Variants in LNPEP observed in about 807,000 individuals in gnomAD.
LNPEP encodes leucyl-cystinyl aminopeptidase.
Under a neutral mutation model 120.6 loss-of-function variants are expected in LNPEP, and 64 were observed. The observed-to-expected ratio is 0.53, with a 90% CI of 0.43 to 0.65. The LOEUF is 0.65. Ranked by LOEUF, LNPEP falls within the 30% of genes least tolerant of loss-of-function variation. The pLI is 0.00. For synonymous variants in LNPEP, 435 were observed against 425.4 expected (o/e 1.02, Z -0.28); for missense variants, 1,057 against 1,200.0 (o/e 0.88, Z 1.76).
In LNPEP at chr5:97,034,061, G is replaced by A. The variant is rs1476256527; in HGVS notation, c.*5528G>A. Reference sequence around the variant, plus strand: ...ACCCAGTCCATTGCTTGGACTTACGGGTACCTAATGAAACGTGGAGGTCCG... The same window carrying A: ...ACCCAGTCCATTGCTTGGACTTACGAGTACCTAATGAAACGTGGAGGTCCG... On this transcript the variant is annotated 3_prime_UTR_variant, in exon 18 of 18. Transcript: ENST00000231368. 2.0e-5 allele frequency: 3 copies of A among 151,924 alleles called. No individual in the cohort carries two copies. The highest frequency in any genetic ancestry group is 7.3e-5 in the African/African-American group (3 of 41,348). The allele number at this position is 151,924 out of a possible 1,614,324, so 9.4% of individuals were successfully genotyped here.
At chr5:96,992,281 G>A (rs967562972) in intron 4 of LNPEP, among the ~76,000 whole-genome samples, 20 of 152,014 alleles carry the variant, frequency 1.3e-4, no homozygotes, top group African/African-American at 4.6e-4. Flanking sequence ...TGTTCCCTTG[G>A]TTGGTTTTAG....
chr5:96,992,790 T>A (rs914780529), intron 4 of LNPEP, among the ~76,000 whole-genome samples: 1 of 52,542 alleles, frequency 1.9e-5, no homozygotes, highest in Non-Finnish European at 3.7e-5. Flanking sequence ...GGGGCGGGGG[T>A]GGGGCGGGGT....
chr5:96,988,798 G>A (rs1790305413), intron 4 of LNPEP, among the ~76,000 whole-genome samples: 1 of 151,656 alleles, frequency 6.6e-6, no homozygotes, highest in Admixed American at 6.6e-5. Flanking sequence ...TTAATTTTTT[G>A]TAGAGGCATC....
chr5:97,000,320 T>C (rs994818530), intron 8 of LNPEP, among the ~76,000 whole-genome samples: 19 of 152,090 alleles, frequency 1.2e-4, no homozygotes, highest in African/African-American at 4.3e-4. Flanking sequence ...AAATAACCAA[T>C]GTATAGTGCT....
chr5:96,947,366 G>A (rs987587458), intron 1 of LNPEP, among the ~76,000 whole-genome samples: 1 of 152,044 alleles, frequency 6.6e-6, no homozygotes, highest in African/African-American at 2.4e-5. Context: ...TTGAAAATTG[G>A]AGCTAAAATA....
At chr5:96,990,043 A>G (rs1260551879) in intron 4 of LNPEP, among the ~76,000 whole-genome samples, 1 of 151,818 alleles carries the variant, frequency 6.6e-6, no homozygotes. Context: ...TGATGTTTCT[A>G]TTGGGGTACC....
intron 1 of LNPEP, among the ~76,000 whole-genome samples, chr5:96,938,057 A>G (rs1033226016): frequency 2.6e-5 from 4 of 152,260 alleles, no homozygotes; most frequent in African/African-American, 9.6e-5. Flanking sequence ...CAATATCTAC[A>G]GTCAATAAGA....
At chr5:96,997,079 C>G (rs1790532408) in intron 7 of LNPEP, among the ~76,000 whole-genome samples, 3 of 151,942 alleles carry the variant, frequency 2.0e-5, no homozygotes, top group Non-Finnish European at 4.4e-5. Flanking sequence ...AGTGGTGTCA[C>G]TATGGTATTA....
intron 1 of LNPEP, among the ~76,000 whole-genome samples, chr5:96,973,793 C>G (rs1290904316): frequency 6.6e-6 from 1 of 152,128 alleles, no homozygotes; most frequent in Admixed American, 6.6e-5. Context: ...CAGCTTAAAG[C>G]TTTAATCCTT....
Position 97,036,139 on chromosome 5 carries a change from A to G in LNPEP, c.*7606A>G, listed in dbSNP as rs1235566123. On this transcript the variant is annotated 3_prime_UTR_variant, in exon 18 of 18. Transcript: ENST00000231368. ...ATAGAAGTCTATTATGATTCCATCA[A>G]TTGCATAGCTTGTGTACCTGGTAGA... 6.6e-6 allele frequency: 1 copy of G among 152,152 alleles called. No homozygotes were observed. The highest frequency in any genetic ancestry group is 1.5e-5 in the Non-Finnish European group (1 of 68,014). The allele number at this position is 152,152 out of a possible 1,614,324, so 9.4% of individuals were successfully genotyped here.
chr5:96,976,452 A>T (rs1789997924), intron 1 of LNPEP, among the ~76,000 whole-genome samples: 1 of 152,190 alleles, frequency 6.6e-6, no homozygotes, highest in African/African-American at 2.4e-5. Context: ...AGGAGATACC[A>T]AATTGTCAAA....
At chr5:97,021,337 G>A (rs1791188608) in intron 13 of LNPEP, among the ~76,000 whole-genome samples, 1 of 152,152 alleles carries the variant, frequency 6.6e-6, no homozygotes, top group Non-Finnish European at 1.5e-5. Context: ...TATGGGTGTT[G>A]TACTATCTTT....
At chr5:96,948,122 T>C (rs924524174) in intron 1 of LNPEP, among the ~76,000 whole-genome samples, 1 of 147,284 alleles carries the variant, frequency 6.8e-6, no homozygotes, top group South Asian at 2.1e-4. Context: ...AAATTTCTCT[T>C]TTTTTTTTTT....
chr5:97,015,160 T>C, intron 13 of LNPEP, 65 bp downstream of exon 13: 9 of 1,197,624 alleles, frequency 7.5e-6, no homozygotes, highest in Non-Finnish European at 9.0e-6. Context: ...TGGTTCCATT[T>C]TCAGCCAGTA....
chr5:96,943,075 G>A (rs1246339909), intron 1 of LNPEP: 3 of 299,552 alleles, frequency 1.0e-5, no homozygotes, highest in African/African-American at 6.7e-5. Flanking sequence ...GTTTCCAGAT[G>A]AGAATCCATA....
At chr5:97,005,712 G>A (rs1423204168) in intron 9 of LNPEP, among the ~76,000 whole-genome samples, 1 of 152,182 alleles carries the variant, frequency 6.6e-6, no homozygotes, top group Non-Finnish European at 1.5e-5. Flanking sequence ...GTAGATGTTA[G>A]TATTGTGATT....
intron 1 of LNPEP, among the ~76,000 whole-genome samples, chr5:96,973,779 A>C (rs187716718): frequency 6.6e-6 from 1 of 152,164 alleles, no homozygotes; most frequent in Non-Finnish European, 1.5e-5. Context: ...AGAAAATGTG[A>C]TGGCAGCTTA....
intron 1 of LNPEP, among the ~76,000 whole-genome samples, chr5:96,957,156 C>T (rs1253025246): frequency 6.6e-6 from 1 of 152,016 alleles, no homozygotes; most frequent in Non-Finnish European, 1.5e-5. Context: ...TTTTCTTGGT[C>T]CTTTGTATTT....
At chr5:96,997,372 G>T (rs1425470111) in intron 7 of LNPEP, among the ~76,000 whole-genome samples, 1 of 152,058 alleles carries the variant, frequency 6.6e-6, no homozygotes, top group Non-Finnish European at 1.5e-5. Context: ...ATATCAAGTG[G>T]TAGCTAGAAT....
Sources: allele counts gnomAD v4.1 joint callset (sites outside exome capture counted in the v4.1 genomes callset), GRCh38; gene constraint gnomAD v4.1.1; transcripts MANE v1.5; gene names NCBI Gene and HGNC (gene_info 2026-07-23, HGNC 2026-07-21).